PRPF39: variants seen among roughly 807,000 people sequenced by gnomAD.
The protein encoded by PRPF39 is pre-mRNA-processing factor 39.
A neutral mutation model predicts 82.1 loss-of-function variants in PRPF39; 27 were observed. The ratio of observed to expected loss-of-function variants is 0.33; its 90% CI spans 0.24 to 0.45. The LOEUF (loss-of-function observed/expected upper bound fraction) is 0.45. Among genes scored for constraint, PRPF39 ranks in the 20% least tolerant of loss-of-function variants. PRPF39 has a pLI of 1.00. For synonymous variants in PRPF39, 261 were observed against 256.4 expected (o/e 1.02, Z -0.17); for missense variants, 581 against 796.9 (o/e 0.73, Z 3.26).
At chr14:45,109,394 T>C (rs1027072826) in intron 7 of PRPF39, among the ~76,000 whole-genome samples, 3 of 152,190 alleles carry the variant, frequency 2.0e-5, no homozygotes, top group African/African-American at 4.8e-5. Flanking sequence ...TTAAAAAGCA[T>C]GTAATTGGCA....
chr14:45,086,056 G>A (rs1171238561), intron 1 of PRPF39, among the ~76,000 whole-genome samples: 1 of 152,038 alleles, frequency 6.6e-6, no homozygotes, highest in East Asian at 1.9e-4. Context: ...TCATTCTTCT[G>A]CCTCAGCCTC....
intron 4 of PRPF39, among the ~76,000 whole-genome samples, chr14:45,097,213 A>G (rs1884225527): frequency 6.6e-6 from 1 of 150,810 alleles, no homozygotes; most frequent in African/African-American, 2.4e-5. Context: ...CCCCAATTCC[A>G]CTCCTCAAGG....
intron 11 of PRPF39, 116 bp downstream of exon 11, chr14:45,112,618 G>T: frequency 2.8e-6 from 3 of 1,087,736 alleles, no homozygotes; most frequent in South Asian, 3.1e-5. Flanking sequence ...TGTTCGCTTA[G>T]TTTACTTTTT....
At chr14:45,090,736 G>A (rs1295943635) in intron 1 of PRPF39, among the ~76,000 whole-genome samples, 1 of 152,124 alleles carries the variant, frequency 6.6e-6, no homozygotes, top group Non-Finnish European at 1.5e-5. Context: ...ATGTGTTTGT[G>A]TGTGTGTGTA....
rs138557993 is a variant in PRPF39 at position 45,104,137 on chromosome 14, TCTC to T, written c.737+1444_737+1446del. 9.1e-3 allele frequency among the ~76,000 whole-genome samples: 1,392 copies of T among 152,250 alleles called. 26 individuals are homozygous for T. Among genetic ancestry groups the T allele is most frequent in the African/African-American group, 0.032 (1,323 of 41,534 alleles). On this transcript the variant is annotated intron_variant, in intron 5 of 13. Coordinates refer to ENST00000355765, the MANE Select transcript of PRPF39 (RefSeq NM_017922.4). ...TATGGCCCTGAAGTTTTTGATATGTTCTCCTACAAATCTTTTTTATTTCTAAAT... is the reference window on the plus strand; with the variant it reads ...TATGGCCCTGAAGTTTTTGATATGTTCTACAAATCTTTTTTATTTCTAAAT...
In PRPF39 at chr14:45,095,333, A is replaced by C. The variant is rs750888897; in HGVS notation, c.94A>C (p.Ser32Arg). ...EVVVEHPTDF[S>R]TEIMNVTEME... ...AGTGGTAGAACATCCTACTGATTTC[A>C]GTACTGAGATTATGAACGTTACAGA... The change falls in exon 2 of 14, where the codon AGT becomes CGT. Residue 32 changes from serine to arginine, a missense_variant. Physicochemically the swap from Ser to Arg is moderately radical, Grantham distance 110. Transcript: ENST00000355765. 6.2e-7 allele frequency: 1 copy of C among 1,613,340 alleles called. No individual in the cohort carries two copies. Among genetic ancestry groups the C allele is most frequent in the Non-Finnish European group, 8.5e-7 (1 of 1,179,268 alleles).
chr14:45,107,418 T>A (rs1352104280), intron 5 of PRPF39, 33 bp from the exon 6 acceptor site: 1 of 1,429,750 alleles, frequency 7.0e-7, no homozygotes, highest in South Asian at 1.3e-5. Flanking sequence ...AAATTATGAT[T>A]CAAATACATA....
At chr14:45,087,562 G>GTT (rs140796830) in intron 1 of PRPF39, among the ~76,000 whole-genome samples, 8 of 146,446 alleles carry the variant, frequency 5.5e-5, no homozygotes, top group African/African-American at 1.0e-4. Context: ...CCAGAAGACT[G>GTT]TTTTTTTTTT....
intron 8 of PRPF39, 26 bp downstream of exon 8, chr14:45,109,806 T>C (rs554078002): frequency 3.2e-6 from 5 of 1,564,250 alleles, no homozygotes; most frequent in East Asian, 2.3e-5. Context: ...GCTCTTAAAC[T>C]TGAATATATT....
chr14:45,112,615 T>C, intron 11 of PRPF39, 113 bp downstream of exon 11: 1 of 1,095,206 alleles, frequency 9.1e-7, no homozygotes, highest in Non-Finnish European at 1.2e-6. Flanking sequence ...AAATGTTCGC[T>C]TAGTTTACTT....
At position 45,110,821 on chromosome 14, in the gene PRPF39, T is replaced by C. The variant is rs1884675143; in HGVS notation, c.1572+4T>C. 1 of 1,543,848 alleles carries C rather than the reference T, an allele frequency of 6.5e-7. No individual in the cohort carries two copies. On this transcript the variant is annotated splice_donor_region_variant and intron_variant, in intron 10 of 13. Coordinates refer to ENST00000355765, the MANE Select transcript of PRPF39 (RefSeq NM_017922.4). This position sits in a 1 kb window ranked among gnomAD's most constrained non-coding sequence, Gnocchi z 4.0. Reference sequence around the variant, plus strand: ...GGAAGCAATCGAAAGAGACAAAGTATGCATTTGTATTTTTAAGAGTATCTT... The same window carrying C: ...GGAAGCAATCGAAAGAGACAAAGTACGCATTTGTATTTTTAAGAGTATCTT...
intron 5 of PRPF39, among the ~76,000 whole-genome samples, chr14:45,104,726 T>G (rs975764317): frequency 6.6e-6 from 1 of 152,228 alleles, no homozygotes; most frequent in African/African-American, 2.4e-5. Flanking sequence ...AAATCCTTCT[T>G]TAGCATGAGG....
intron 11 of PRPF39, among the ~76,000 whole-genome samples, chr14:45,112,880 C>G (rs974147090): frequency 1.3e-5 from 2 of 152,134 alleles, no homozygotes; most frequent in African/African-American, 2.4e-5. Context: ...AGTAGGAGTG[C>G]TATTTTCTGA....
At chr14:45,103,057 G>T (rs537737584) in intron 5 of PRPF39, among the ~76,000 whole-genome samples, 7 of 152,208 alleles carry the variant, frequency 4.6e-5, no homozygotes, top group African/African-American at 1.7e-4. Context: ...GCACATGATA[G>T]ATGCTTATTT....
intron 11 of PRPF39, among the ~76,000 whole-genome samples, chr14:45,112,985 G>A (rs79367396): frequency 6.6e-6 from 1 of 152,164 alleles, no homozygotes; most frequent in Non-Finnish European, 1.5e-5. Flanking sequence ...TGGTTGAAGA[G>A]AATGCTCCAG....
rs534308779 is a variant in PRPF39 at position 45,099,514 on chromosome 14, G to A, written c.569+2509G>A. 4.0e-5 allele frequency among the ~76,000 whole-genome samples: 6 copies of A among 151,648 alleles called. No homozygotes were observed. The South Asian group carries it at 1.0e-3, about 26-fold the overall frequency. On this transcript the variant is annotated intron_variant, in intron 4 of 13. Transcript: ENST00000355765. ...GGGTGGAGTGCAGTGGCTCGATCTC[G>A]GCTCACTGCAAGCTCCACCTCCTGG...
intron 11 of PRPF39, 97 bp from the exon 12 acceptor site, chr14:45,114,086 A>G: frequency 3.4e-6 from 3 of 882,844 alleles, no homozygotes; most frequent in Non-Finnish European, 5.1e-6. Flanking sequence ...CCGCTTAGAA[A>G]TTTTCTTAGG....
intron 10 of PRPF39, among the ~76,000 whole-genome samples, chr14:45,111,523 C>T (rs1046796946): frequency 4.0e-5 from 6 of 150,336 alleles, no homozygotes; most frequent in African/African-American, 1.5e-4. Context: ...TTAGTAGACA[C>T]AGTTTACTAT....
At chr14:45,107,652 G>C in intron 6 of PRPF39, 36 bp downstream of exon 6, 1 of 1,534,696 alleles carries the variant, frequency 6.5e-7, no homozygotes, top group African/African-American at 1.4e-5. Context: ...TCAGTGGCCA[G>C]GTATGGTGGC....
Sources: gnomAD v4.1 joint callset for allele counts (sites outside exome capture counted in the v4.1 genomes callset) on GRCh38, gnomAD v4.1.1 for gene constraint, Gnocchi (gnomAD v3.1) non-coding constraint, MANE v1.5 for transcripts, NCBI Gene and HGNC (gene_info 2026-07-23, HGNC 2026-07-21) for gene names.